The following ADARB2 variants were observed in gnomAD, a reference collection of about 807,000 sequenced individuals.
ADARB2 encodes adenosine deaminase RNA specific B2 (inactive).
Under a neutral mutation model 62.2 loss-of-function variants are expected in ADARB2, and 25 were observed. The ratio of observed to expected loss-of-function variants is 0.40; its 90% CI spans 0.29 to 0.56. ADARB2 has a LOEUF of 0.56. Among genes scored for constraint, ADARB2 ranks in the 20% least tolerant of loss-of-function variants. The pLI is 0.43. For synonymous variants in ADARB2, 572 were observed against 500.8 expected, an observed-to-expected ratio of 1.14 and a Z score of -1.90; for missense variants, 1,071 against 1,077.4, an observed-to-expected ratio of 0.99 and a Z score of 0.08.
chr10:1,249,629 C>CAT (rs1443357431), intron 4 of ADARB2, among the ~76,000 whole-genome samples: 1 of 151,742 alleles, frequency 6.6e-6, no homozygotes, highest in Non-Finnish European at 1.5e-5. Context: ...CACACACACA[C>CAT]ACACACACAC....
intron 1 of ADARB2, among the ~76,000 whole-genome samples, chr10:1,382,706 CTTT>C (rs35629334): frequency 2.8e-5 from 4 of 143,148 alleles, no homozygotes. Flanking sequence ...GGATGCCATA[CTTT>C]TTTTTTTTTT....
rs183873198 is a variant in ADARB2, at chr10:1,441,805, A to G, written c.101-62645T>C. On this transcript the variant is annotated intron_variant, in intron 1 of 9. Coordinates refer to ENST00000381312, the MANE Select transcript of ADARB2 (RefSeq NM_018702.4). ...AATAGGATATTCATCTCTGTATTTT[A>G]CGCAGATGAGGGAATTGAGCTTAGA... 6.7e-4 allele frequency among the ~76,000 whole-genome samples: 102 copies of G among 152,340 alleles called. 1 individual carries two copies. In the East Asian group the frequency reaches 0.019, roughly 28 times the overall value.
At chr10:1,514,155 GA>G (rs1831975171) in intron 1 of ADARB2, among the ~76,000 whole-genome samples, 1 of 90,404 alleles carries the variant, frequency 1.1e-5, no homozygotes, top group Non-Finnish European at 2.3e-5. Context: ...AGAGTTGGGT[GA>G]CAGTGTGAGA....
At chr10:1,724,114 G>A (rs1301561996) in intron 1 of ADARB2, among the ~76,000 whole-genome samples, 1 of 152,182 alleles carries the variant, frequency 6.6e-6, no homozygotes, top group East Asian at 1.9e-4. Flanking sequence ...TTTGAAGATG[G>A]GGTCTTTAAA....
In ADARB2 at chr10:1,477,268, C is replaced by T. The variant is rs974045825; in HGVS notation, c.101-98108G>A. Among the ~76,000 whole-genome samples the T allele has an allele frequency of 3.9e-5, 6 of 152,164 alleles. No homozygotes were observed. The highest frequency in any genetic ancestry group is 1.3e-4 in the Admixed American group (2 of 15,272). ...GATTAGTAAGTAACGTTGAGGAAGGCGCTACAGGTCGGGGAGAACAGTTGT... is the reference window on the plus strand; with the variant it reads ...GATTAGTAAGTAACGTTGAGGAAGGTGCTACAGGTCGGGGAGAACAGTTGT... On this transcript the variant is annotated intron_variant, in intron 1 of 9. Transcript: ENST00000381312. This position sits in a 1 kb window ranked among gnomAD's most constrained non-coding sequence, Gnocchi z 4.5.
At chr10:1,367,119 C>T (rs989612211) in intron 2 of ADARB2, among the ~76,000 whole-genome samples, 2 of 152,130 alleles carry the variant, frequency 1.3e-5, no homozygotes, top group East Asian at 3.9e-4. Flanking sequence ...ACAAAAGATG[C>T]CCTTGAAAAT....
At chr10:1,517,974 A>T (rs757162227) in intron 1 of ADARB2, among the ~76,000 whole-genome samples, 41 of 152,162 alleles carry the variant, frequency 2.7e-4, no homozygotes, top group Non-Finnish European at 4.9e-4. Flanking sequence ...AGTGAATGAA[A>T]GGGGGCAAAA....
At chr10:1,665,561 C>T (rs1196515905) in intron 1 of ADARB2, among the ~76,000 whole-genome samples, 1 of 152,264 alleles carries the variant, frequency 6.6e-6, no homozygotes, top group Non-Finnish European at 1.5e-5. Context: ...AGTGCTAGGC[C>T]CTGCATGCCG....
chr10:1,609,748 A>C (rs1350154258), intron 1 of ADARB2, among the ~76,000 whole-genome samples: 1 of 152,200 alleles, frequency 6.6e-6, no homozygotes, highest in African/African-American at 2.4e-5. Flanking sequence ...ACTGGGCTCT[A>C]CTGGGCCCGG....
intron 1 of ADARB2, among the ~76,000 whole-genome samples, chr10:1,520,685 A>G (rs1452372221): frequency 6.6e-6 from 1 of 152,246 alleles, no homozygotes; most frequent in Admixed American, 6.5e-5. Flanking sequence ...TGGCTAGACT[A>G]AAAATCTGAG....
chr10:1,260,246 C>T (rs1029386642), intron 4 of ADARB2, among the ~76,000 whole-genome samples: 1 of 152,148 alleles, frequency 6.6e-6, no homozygotes, highest in Admixed American at 6.5e-5. Flanking sequence ...TGGCACAAGA[C>T]AGGGATGCCC....
At chr10:1,557,441 C>A (rs544375445) in intron 1 of ADARB2, among the ~76,000 whole-genome samples, 1 of 152,156 alleles carries the variant, frequency 6.6e-6, no homozygotes, top group Non-Finnish European at 1.5e-5. Context: ...TTCGCAGCCA[C>A]GGTCCTCCAA....
At chr10:1,479,541 G>C (rs1343976092) in intron 1 of ADARB2, among the ~76,000 whole-genome samples, 6 of 152,122 alleles carry the variant, frequency 3.9e-5, no homozygotes, top group African/African-American at 1.4e-4. Flanking sequence ...AGGAACCCAG[G>C]ACAGCCTGCT....
intron 3 of ADARB2, among the ~76,000 whole-genome samples, chr10:1,285,458 A>G (rs371058566): frequency 5.3e-5 from 8 of 152,218 alleles, no homozygotes; most frequent in African/African-American, 1.7e-4. Context: ...CCTTGAAGCT[A>G]TGAATGCACA....
At chr10:1,713,050 G>T (rs1001859757) in intron 1 of ADARB2, among the ~76,000 whole-genome samples, 1 of 152,138 alleles carries the variant, frequency 6.6e-6, no homozygotes, top group Admixed American at 6.5e-5. Context: ...TTGTCAACTA[G>T]CTGACATCAG....
intron 7 of ADARB2, chr10:1,216,625 G>C: frequency 1.1e-5 from 4 of 355,504 alleles, no homozygotes; most frequent in Non-Finnish European, 2.1e-5. Flanking sequence ...TGGCCACCCC[G>C]ACTGGCCGGC....
At chr10:1,562,838 A>T (rs1832803075) in intron 1 of ADARB2, among the ~76,000 whole-genome samples, 1 of 152,228 alleles carries the variant, frequency 6.6e-6, no homozygotes. Flanking sequence ...TGGGCTGGAG[A>T]CAATGCAGGT....
At chr10:1,444,054 C>A (rs1037572245) in intron 1 of ADARB2, among the ~76,000 whole-genome samples, 1 of 151,294 alleles carries the variant, frequency 6.6e-6, no homozygotes, top group African/African-American at 2.4e-5. Flanking sequence ...TCCATCCATG[C>A]ACCCACACAC....
chr10:1,630,561 G>T (rs543567875), intron 1 of ADARB2, among the ~76,000 whole-genome samples: 58 of 152,278 alleles, frequency 3.8e-4, no homozygotes, highest in Non-Finnish European at 7.9e-4. Context: ...TCTGGGCAGG[G>T]CAGAGGGGGT....
Sources: gnomAD v4.1 joint callset for allele counts (sites outside exome capture counted in the v4.1 genomes callset) on GRCh38, gnomAD v4.1.1 for gene constraint, Gnocchi (gnomAD v3.1) non-coding constraint, MANE v1.5 for transcripts, NCBI Gene and HGNC (gene_info 2026-07-23, HGNC 2026-07-21) for gene names.